The following SYT1 variants were observed in gnomAD, a reference collection of about 807,000 sequenced individuals.
SYT1 encodes the protein synaptotagmin-1.
SYT1 carries 8 observed loss-of-function variants against 44.8 expected under a neutral mutation model. That is an observed-to-expected ratio of 0.18 (90% confidence interval 0.10 to 0.32). The LOEUF (loss-of-function observed/expected upper bound fraction) is 0.32, where lower values mean the gene tolerates loss of function less well. SYT1 is among the 10% of genes least tolerant of loss of function. The probability of loss-of-function intolerance (pLI) is 1.00; values close to 1 mark genes in which losing one functional copy is unlikely to be tolerated. For synonymous variants in SYT1, 154 were observed against 188.8 expected (o/e 0.82, Z 1.51); for missense variants, 286 against 509.3 (o/e 0.56, Z 4.22).
At chr12:79,314,019 A>T (rs1419205704) in intron 8 of SYT1, among the ~76,000 whole-genome samples, 2 of 150,576 alleles carry the variant, frequency 1.3e-5, no homozygotes. Flanking sequence ...AATACAAAAA[A>T]TTAGCCGGGC....
intron 8 of SYT1, among the ~76,000 whole-genome samples, chr12:79,300,491 A>G (rs1434787926): frequency 1.3e-5 from 2 of 151,966 alleles, no homozygotes; most frequent in South Asian, 2.1e-4. Context: ...GAGAAACTCA[A>G]TCAAGTCCAT....
Position 79,324,266 on chromosome 12 carries a change from A to G in SYT1, c.810+24715A>G, listed in dbSNP as rs1408777759. Among the ~76,000 whole-genome samples, 9 of 152,254 alleles carry G rather than the reference A, an allele frequency of 5.9e-5. No homozygotes were observed. The East Asian group carries it at 1.7e-3, about 29-fold the overall frequency. On this transcript the variant is annotated intron_variant, in intron 8 of 10. Coordinates refer to ENST00000261205, the MANE Select transcript of SYT1 (RefSeq NM_005639.3). ...CGCCTGGCCTGTTTCCATTTTCAAT[A>G]TACAAAAATACAAATGCACACACAC...
intron 1 of SYT1, among the ~76,000 whole-genome samples, chr12:78,882,161 C>T (rs975654860): frequency 3.3e-5 from 5 of 151,760 alleles, no homozygotes; most frequent in African/African-American, 9.7e-5. Context: ...GTTCAAAAAA[C>T]GTTTGCTGAA....
rs11289217 is a variant in SYT1, at chr12:79,011,657, TAA to T, written c.-84+33745_-84+33746del. ...GCTCTTAACATTTTCCAGAGATTTG[TAA>T]AAAAAAAAAAAAAAAAAACACCTGT... On this transcript the variant is annotated intron_variant, in intron 2 of 10. Transcript: ENST00000261205. Among the ~76,000 whole-genome samples the T allele has an allele frequency of 1.2e-3, 135 of 108,158 alleles. 1 individual carries two copies. The Middle Eastern group carries it at 0.017, about 14-fold the overall frequency. The allele number at this position is 108,158 out of a possible 152,430, so 71.0% of individuals were successfully genotyped here. A position where few individuals can be genotyped will look rare whatever the true frequency, so the allele number is the denominator to read the frequency against.
chr12:79,258,852 A>G (rs1174288899), intron 4 of SYT1, among the ~76,000 whole-genome samples: 14 of 152,230 alleles, frequency 9.2e-5, no homozygotes, highest in Admixed American at 9.2e-4. Flanking sequence ...AATATTTGAA[A>G]GAATTAAAGA....
intron 8 of SYT1, among the ~76,000 whole-genome samples, chr12:79,309,802 A>G (rs1164277388): frequency 5.3e-5 from 8 of 152,218 alleles, no homozygotes; most frequent in Admixed American, 4.6e-4. Flanking sequence ...TTAACATTGT[A>G]TAGAGAAAGA....
intron 3 of SYT1, among the ~76,000 whole-genome samples, chr12:79,125,245 C>T (rs370130734): frequency 5.9e-5 from 9 of 152,058 alleles, no homozygotes; most frequent in African/African-American, 2.2e-4. Flanking sequence ...AATAACGTAC[C>T]TATTTATTTT....
intron 3 of SYT1, among the ~76,000 whole-genome samples, chr12:79,198,687 A>G (rs1873603307): frequency 6.6e-6 from 1 of 152,282 alleles, no homozygotes; most frequent in Admixed American, 6.5e-5. Flanking sequence ...ATAAATGCCT[A>G]TGGATGGAAG....
intron 5 of SYT1, among the ~76,000 whole-genome samples, chr12:79,289,122 T>C (rs1268343040): frequency 6.6e-6 from 1 of 152,210 alleles, no homozygotes; most frequent in African/African-American, 2.4e-5. Flanking sequence ...ATCTGAACAA[T>C]GTAACTGAGA....
At chr12:78,912,341 A>T (rs1876387012) in intron 1 of SYT1, among the ~76,000 whole-genome samples, 1 of 152,000 alleles carries the variant, frequency 6.6e-6, no homozygotes, top group Admixed American at 6.6e-5. Context: ...GAAATTGCTG[A>T]AAAAGAAAGG....
At chr12:78,968,566 A>T (rs904273678) in intron 1 of SYT1, among the ~76,000 whole-genome samples, 1 of 152,134 alleles carries the variant, frequency 6.6e-6, no homozygotes, top group Admixed American at 6.6e-5. Flanking sequence ...AAAAGGAGTA[A>T]CTCATATCTC....
At chr12:78,999,190 C>T (rs1404379893) in intron 2 of SYT1, among the ~76,000 whole-genome samples, 1 of 152,116 alleles carries the variant, frequency 6.6e-6, no homozygotes, top group Non-Finnish European at 1.5e-5. Context: ...TCTACATTAG[C>T]ATCATTCAAG....
intron 3 of SYT1, among the ~76,000 whole-genome samples, chr12:79,191,570 T>G (rs1199839070): frequency 6.6e-6 from 1 of 152,146 alleles, no homozygotes; most frequent in Non-Finnish European, 1.5e-5. Context: ...TTTCTTCTAC[T>G]TCCTCTTACA....
rs746685561 is a variant in SYT1, at chr12:79,320,648, C to CTTT, written c.810+21116_810+21118dup. Among the ~76,000 whole-genome samples the CTTT allele has an allele frequency of 1.8e-3, 233 of 128,730 alleles. 3 individuals are homozygous for CTTT. The highest frequency in any genetic ancestry group is 5.2e-3 in the African/African-American group (176 of 33,770). 84.5% of individuals were successfully genotyped at this position (128,730 alleles called of 152,430 possible). Reference sequence around the variant, plus strand: ...TAATTTATCTTTTTTTCTTTTTCCCCTTTTTTTTTTTTTTTTTTTTTGAGA... The same window carrying CTTT: ...TAATTTATCTTTTTTTCTTTTTCCCCTTTTTTTTTTTTTTTTTTTTTTTTGAGA... On this transcript the variant is annotated intron_variant, in intron 8 of 10. Coordinates refer to ENST00000261205, the MANE Select transcript of SYT1 (RefSeq NM_005639.3).
chr12:79,087,897 A>G (rs1292761650), intron 3 of SYT1, among the ~76,000 whole-genome samples: 1 of 152,092 alleles, frequency 6.6e-6, no homozygotes, highest in Non-Finnish European at 1.5e-5. Context: ...TCCCTCTTAC[A>G]GAAACTCCCT....
Position 79,447,210 on chromosome 12 carries a change from C to CT in SYT1, c.1063-1698dup, listed in dbSNP as rs201722087. 4.0e-4 allele frequency among the ~76,000 whole-genome samples: 59 copies of CT among 148,486 alleles called. No individual in the cohort carries two copies. In the South Asian group the frequency reaches 4.3e-3, roughly 11 times the overall value. On this transcript the variant is annotated intron_variant, in intron 10 of 10. Transcript: ENST00000261205. ...TCTCTGCTCCTTGAGTCACTTTGTT[C>CT]TTTTTTTTTTCCTTTTTTTATAGGA...
chr12:79,057,341 T>C (rs144792862), intron 3 of SYT1, among the ~76,000 whole-genome samples: 124 of 152,174 alleles, frequency 8.1e-4, no homozygotes, highest in Non-Finnish European at 1.5e-3. Flanking sequence ...ACAAAATGTT[T>C]CAGACTAAGG....
intron 9 of SYT1, among the ~76,000 whole-genome samples, chr12:79,439,216 C>T (rs983799118): frequency 6.6e-6 from 1 of 152,140 alleles, no homozygotes; most frequent in African/African-American, 2.4e-5. Context: ...TATCCTACAG[C>T]CTCAGTAATA....
chr12:79,130,130 G>T (rs917677232), intron 3 of SYT1, among the ~76,000 whole-genome samples: 24 of 152,148 alleles, frequency 1.6e-4, no homozygotes, highest in African/African-American at 5.5e-4. Flanking sequence ...AGCCACCAAA[G>T]AATAATTTTT....
Sources: allele counts gnomAD v4.1 joint callset (sites outside exome capture counted in the v4.1 genomes callset), GRCh38; gene constraint gnomAD v4.1.1; transcripts MANE v1.5; gene names NCBI Gene and HGNC (gene_info 2026-07-23, HGNC 2026-07-21).